The following ANK2 variants were observed in gnomAD, a reference collection of about 807,000 sequenced individuals.
ANK2 encodes the protein ankyrin 2, also known as ankyrin-2.
A neutral mutation model predicts 360.5 loss-of-function variants in ANK2; 83 were observed. The ratio of observed to expected loss-of-function variants is 0.23; its 90% confidence interval spans 0.19 to 0.28. The LOEUF (loss-of-function observed/expected upper bound fraction) is 0.28. Ranked by LOEUF, ANK2 falls within the 10% of genes least tolerant of loss-of-function variation. The pLI, the probability that ANK2 is intolerant of heterozygous loss-of-function variation, is 1.00. For synonymous variants in ANK2, 1,740 were observed against 1,759.5 expected (o/e 0.99, Z 0.28); for missense variants, 4,201 against 4,795.7 (o/e 0.88, Z 3.66).
intron 14 of ANK2, among the ~76,000 whole-genome samples, chr4:113,268,779 G>A (rs1375577510): frequency 1.3e-5 from 2 of 152,136 alleles, no homozygotes. Context: ...AGTTATGGAG[G>A]AGTCTCTCTT....
chr4:112,718,593 C>T, the ANK2 span, among the ~76,000 whole-genome samples: 17 of 152,118 alleles, frequency 1.1e-4, no homozygotes, highest in South Asian at 4.2e-4. Context: ...GCATTATAGG[C>T]GTGAGCCACT....
chr4:113,196,843 A>G (rs1168176694), intron 3 of ANK2, among the ~76,000 whole-genome samples: 1 of 152,218 alleles, frequency 6.6e-6, no homozygotes, highest in Non-Finnish European at 1.5e-5. Flanking sequence ...TCCCTCTCGT[A>G]CATTTCAGAG....
intron 17 of ANK2, among the ~76,000 whole-genome samples, chr4:113,280,865 G>A (rs1165478028): frequency 1.3e-5 from 2 of 152,194 alleles, no homozygotes; most frequent in African/African-American, 4.8e-5. Flanking sequence ...GCTGTAGGCA[G>A]TGGGGTAACT....
the ANK2 span, among the ~76,000 whole-genome samples, chr4:112,733,237 T>TA: frequency 0.019 from 2,833 of 151,610 alleles, 99 homozygotes; most frequent in African/African-American, 0.065. Context: ...TAATAATACA[T>TA]AAAAAAAATA....
intron 2 of ANK2, among the ~76,000 whole-genome samples, chr4:112,925,545 A>G (rs753243877): frequency 2.0e-5 from 3 of 152,228 alleles, no homozygotes; most frequent in Non-Finnish European, 4.4e-5. Context: ...AATAGCTTCA[A>G]TCTGCAGGTC....
intron 4 of ANK2, among the ~76,000 whole-genome samples, chr4:113,209,581 A>G (rs1201985800): frequency 6.6e-6 from 1 of 152,030 alleles, no homozygotes; most frequent in Non-Finnish European, 1.5e-5. Context: ...GAAGGTGTTT[A>G]TTGGCAGGGT....
chr4:113,333,001 C>G (rs2153941119), intron 28 of ANK2, 53 bp from the exon 29 acceptor site: 1 of 1,612,434 alleles, frequency 6.2e-7, no homozygotes, highest in Non-Finnish European at 8.5e-7. Flanking sequence ...AGGTGCTTGT[C>G]TTGCTGTTAG....
intron 2 of ANK2, among the ~76,000 whole-genome samples, chr4:112,991,643 G>A (rs1160993038): frequency 3.0e-5 from 3 of 100,208 alleles, no homozygotes; most frequent in Non-Finnish European, 3.8e-5. Context: ...TTTGCAATAT[G>A]GATAGGCTGA....
intron 1 of ANK2, among the ~76,000 whole-genome samples, chr4:112,829,410 C>T (rs2059169144): frequency 6.9e-6 from 1 of 144,590 alleles, no homozygotes. Flanking sequence ...AATCCCAGCA[C>T]TTTGGGAGGC....
intron 2 of ANK2, among the ~76,000 whole-genome samples, chr4:113,042,166 G>A (rs960475952): frequency 4.6e-5 from 7 of 152,112 alleles, no homozygotes; most frequent in Non-Finnish European, 1.0e-4. Context: ...AAAGGGAGAC[G>A]AAGGATGAAT....
chr4:113,358,448 C>T lies in ANK2; in HGVS notation c.9830C>T (p.Ser3277Phe), dbSNP rs533571648. ...AGGGGTGATGATTCTCCCGATTCTT[C>T]CCCAGAAGAACAGAAATCAGTAATC... ...SDRGDDSPDS[S>F]PEEQKSVIEI... The change falls in exon 38 of 46, where the codon TCC (serine) becomes TTC (phenylalanine). Residue 3277 changes from serine to phenylalanine, a missense_variant. Coordinates refer to ENST00000357077, the MANE Select transcript of ANK2 (RefSeq NM_001148.6). 5 of 1,614,066 alleles carry T rather than the reference C, an allele frequency of 3.1e-6. No homozygotes were observed. The South Asian group carries it at 5.5e-5, about 18-fold the overall frequency.
At chr4:112,995,463 G>T (rs1263156922) in intron 2 of ANK2, among the ~76,000 whole-genome samples, 1 of 152,084 alleles carries the variant, frequency 6.6e-6, no homozygotes, top group Non-Finnish European at 1.5e-5. Context: ...TTTTTTGTGT[G>T]TTTAAGTTTC....
At chr4:113,078,343 C>T (rs1462509661) in intron 1 of ANK2, among the ~76,000 whole-genome samples, 1 of 152,118 alleles carries the variant, frequency 6.6e-6, no homozygotes, top group African/African-American at 2.4e-5. Flanking sequence ...ATGTCATTGG[C>T]AGAAGCAGCT....
intron 1 of ANK2, among the ~76,000 whole-genome samples, chr4:113,059,573 T>C (rs774259597): frequency 4.6e-5 from 7 of 152,094 alleles, no homozygotes; most frequent in Non-Finnish European, 1.0e-4. Flanking sequence ...GGCATTCTTA[T>C]AGGTCATTCC....
intron 2 of ANK2, among the ~76,000 whole-genome samples, chr4:112,995,548 G>A (rs1411054935): frequency 1.3e-5 from 2 of 152,144 alleles, no homozygotes; most frequent in African/African-American, 4.8e-5. Context: ...TAGGTTGTCT[G>A]TTTACTCTGT....
the ANK2 span, among the ~76,000 whole-genome samples, chr4:112,712,676 G>A: frequency 1.3e-5 from 2 of 151,804 alleles, no homozygotes; most frequent in East Asian, 1.9e-4. Flanking sequence ...CAAAGTGCTG[G>A]GATTACAGGC....
At chr4:113,172,334 G>T (rs1293146646) in intron 1 of ANK2, among the ~76,000 whole-genome samples, 1 of 152,184 alleles carries the variant, frequency 6.6e-6, no homozygotes, top group African/African-American at 2.4e-5. Context: ...CTAGGAATCT[G>T]TAGTAATATT....
intron 2 of ANK2, among the ~76,000 whole-genome samples, chr4:113,015,257 T>C (rs2056269996): frequency 1.3e-5 from 2 of 152,198 alleles, no homozygotes; most frequent in South Asian, 4.1e-4. Context: ...CCCTAATCTT[T>C]CATAAGTCTT....
intron 1 of ANK2, among the ~76,000 whole-genome samples, chr4:112,847,048 G>T (rs536008020): frequency 1.3e-5 from 2 of 152,308 alleles, no homozygotes; most frequent in African/African-American, 2.4e-5. Flanking sequence ...CTTCAAGAGA[G>T]GCTGGGCAAT....
Sources: allele counts gnomAD v4.1 joint callset (sites outside exome capture counted in the v4.1 genomes callset), GRCh38; gene constraint gnomAD v4.1.1; transcripts MANE v1.5; gene names NCBI Gene and HGNC (gene_info 2026-07-23, HGNC 2026-07-21).